GPATCH2L: variants seen among roughly 807,000 people sequenced by gnomAD.
GPATCH2L encodes G patch domain-containing protein 2-like.
Under a neutral mutation model 57.4 loss-of-function variants are expected in GPATCH2L, and 31 were observed. The ratio of observed to expected loss-of-function variants is 0.54; its 90% CI spans 0.41 to 0.73. The LOEUF is 0.73. Among genes scored for constraint, GPATCH2L ranks in the 30% least tolerant of loss-of-function variants. The pLI is 0.00. For missense variants in GPATCH2L, 481 were observed against 599.9 expected, an observed-to-expected ratio of 0.80 and a Z score of 2.07; for synonymous variants, 199 against 210.7, an observed-to-expected ratio of 0.94 and a Z score of 0.48.
chr14:76,160,075 A>G (rs1465289642), intron 2 of GPATCH2L, among the ~76,000 whole-genome samples: 1 of 151,762 alleles, frequency 6.6e-6, no homozygotes, highest in African/African-American at 2.4e-5. Flanking sequence ...CGGAGCTTGC[A>G]GTGAGCCGAG....
intron 1 of GPATCH2L, among the ~76,000 whole-genome samples, chr14:76,222,590 G>A (rs1030533909): frequency 7.9e-5 from 12 of 152,088 alleles, no homozygotes; most frequent in East Asian, 5.8e-4. Context: ...CTGGACAACC[G>A]GAGTGAGACC....
chr14:76,217,652 C>T (rs1225632146), downstream of GPATCH2L, among the ~76,000 whole-genome samples: 1 of 151,586 alleles, frequency 6.6e-6, no homozygotes, highest in African/African-American at 2.4e-5. Context: ...CAAGTGATAA[C>T]CCAGAAACAT....
chr14:76,223,835 C>A (rs557306511), intron 1 of GPATCH2L, among the ~76,000 whole-genome samples: 1 of 152,280 alleles, frequency 6.6e-6, no homozygotes, highest in South Asian at 2.1e-4. Flanking sequence ...CGAAAAGATG[C>A]TCAACATCAT....
intron 8 of GPATCH2L, among the ~76,000 whole-genome samples, chr14:76,187,626 G>A (rs189217486): frequency 6.1e-4 from 92 of 151,944 alleles, no homozygotes; most frequent in African/African-American, 2.2e-3. Flanking sequence ...TACTTATGGG[G>A]TACATGAGAT....
At chr14:76,216,654 A>C (rs1360658559), downstream of GPATCH2L, among the ~76,000 whole-genome samples, 1 of 152,172 alleles carries the variant, frequency 6.6e-6, no homozygotes, top group Non-Finnish European at 1.5e-5. Context: ...CCACAATGCC[A>C]TCAGTTTTTT....
intron 6 of GPATCH2L, 36 bp downstream of exon 6, chr14:76,176,726 G>C: frequency 7.3e-7 from 1 of 1,376,918 alleles, no homozygotes; most frequent in Non-Finnish European, 1.0e-6. Flanking sequence ...GTGCTAGTCT[G>C]CTCCTTGGAG....
In GPATCH2L at chr14:76,212,963, A is replaced by G. The variant is rs546067679; in HGVS notation, c.*11112A>G. On this transcript the variant is annotated 3_prime_UTR_variant, in exon 10 of 10. Transcript: ENST00000261530. ...TAAAAAAACATTTCATATCTAAAATATAAACTTGTTCCTCTGAGATACAAA... is the reference window on the plus strand; with the variant it reads ...TAAAAAAACATTTCATATCTAAAATGTAAACTTGTTCCTCTGAGATACAAA... The G allele has an allele frequency of 7.9e-5, 12 of 152,296 alleles. No homozygotes were observed. Among genetic ancestry groups the G allele is most frequent in the Non-Finnish European group, 1.2e-4 (8 of 68,008 alleles). The allele number at this position is 152,296 out of a possible 1,614,324, so 9.4% of individuals were successfully genotyped here.
rs765413540 is a variant in GPATCH2L at position 76,173,557 on chromosome 14, C to T, written c.916C>T (p.Arg306Cys). ...CCTTCTTTTTTTAGGGTACCATACT[C>T]GCTTGAATCGTCTACCTGGAGCTGC... ...SRPAQRGYHTRLNRLPGAAAR... is the reference protein window; with the variant it reads ...SRPAQRGYHTCLNRLPGAAAR... Residue 306 changes from arginine to cysteine, a missense_variant, in exon 5 of 10, where the codon CGC becomes TGC. Arg to Cys is a radical substitution (Grantham distance 180). This residue lies in a region of GPATCH2L where 248 missense variants were observed against 270.5 expected (regional missense o/e 0.92). Coordinates refer to ENST00000261530, the MANE Select transcript of GPATCH2L (RefSeq NM_017926.4). 2.5e-6 allele frequency: 4 copies of T among 1,611,306 alleles called. No homozygotes were observed. The highest frequency in any genetic ancestry group is 2.2e-5 in the East Asian group (1 of 44,866).
intron 1 of GPATCH2L, among the ~76,000 whole-genome samples, chr14:76,223,476 C>T (rs908146858): frequency 1.3e-5 from 2 of 152,028 alleles, no homozygotes; most frequent in East Asian, 1.9e-4. Context: ...AACTAGAAAA[C>T]ATTTAGAAGA....
chr14:76,162,454 G>A (rs149736667), intron 2 of GPATCH2L, among the ~76,000 whole-genome samples: 81 of 152,310 alleles, frequency 5.3e-4, no homozygotes, highest in African/African-American at 1.7e-3. Flanking sequence ...TGCTTCTGCC[G>A]TGTGCGATCA....
downstream of GPATCH2L, among the ~76,000 whole-genome samples, chr14:76,219,329 A>G (rs972791235): frequency 2.6e-5 from 4 of 152,188 alleles, no homozygotes; most frequent in African/African-American, 9.7e-5. Context: ...AGAAAATACA[A>G]ATGACTTTGA....
At chr14:76,232,021 C>CACTGCAGGCTCACAGCAGCCTCA (rs1555385029) in intron 2 of GPATCH2L, among the ~76,000 whole-genome samples, 1 of 151,222 alleles carries the variant, frequency 6.6e-6, no homozygotes, top group African/African-American at 2.4e-5. Flanking sequence ...AAGCAATCTT[C>CACTGCAGGCTCACAGCAGCCTCA]CTGCTTCAGC....
intron 9 of GPATCH2L, among the ~76,000 whole-genome samples, chr14:76,201,062 C>T (rs1231200276): frequency 6.6e-6 from 1 of 152,164 alleles, no homozygotes. Flanking sequence ...AGCCATGTCT[C>T]CTGTCCAGAA....
At chr14:76,152,791 T>A (rs1340339918) in intron 1 of GPATCH2L, 1 of 454,396 alleles carries the variant, frequency 2.2e-6, no homozygotes, top group South Asian at 1.6e-5. Flanking sequence ...TTCTTTTGTT[T>A]TTGTTTTTTG....
At chr14:76,217,525 A>G (rs2040495150), downstream of GPATCH2L, among the ~76,000 whole-genome samples, 1 of 152,126 alleles carries the variant, frequency 6.6e-6, no homozygotes, top group Non-Finnish European at 1.5e-5. Flanking sequence ...TTTTGGGACC[A>G]ATAATGTACT....
chr14:76,184,392 T>C lies in GPATCH2L; in HGVS notation c.1193+3543T>C, dbSNP rs560752878. 7.7e-4 allele frequency among the ~76,000 whole-genome samples: 117 copies of C among 152,142 alleles called. 1 individual carries two copies. Among genetic ancestry groups the C allele is most frequent in the South Asian group, 2.3e-3 (11 of 4,814 alleles). ...CAGGTTACTGAGCTGAGGCTGCTTCTTGCCTGGACACTGCCAATTCCATTC... is the reference window on the plus strand; with the variant it reads ...CAGGTTACTGAGCTGAGGCTGCTTCCTGCCTGGACACTGCCAATTCCATTC... On this transcript the variant is annotated intron_variant, in intron 8 of 9. Transcript: ENST00000261530.
At chr14:76,183,199 C>CAGTGAAGAA (rs2039640553) in intron 8 of GPATCH2L, among the ~76,000 whole-genome samples, 3 of 152,220 alleles carry the variant, frequency 2.0e-5, no homozygotes, top group African/African-American at 7.2e-5. Flanking sequence ...CCACTGTCTT[C>CAGTGAAGAA]ACTCTTTTGC....
chr14:76,230,586 A>G (rs1299471703), intron 2 of GPATCH2L, among the ~76,000 whole-genome samples: 2 of 152,192 alleles, frequency 1.3e-5, no homozygotes, highest in Non-Finnish European at 2.9e-5. Context: ...ACAAACAAGA[A>G]TTTGTGTAAA....
At chr14:76,175,752 G>A (rs943980451) in intron 5 of GPATCH2L, 1 of 152,158 alleles carries the variant, frequency 6.6e-6, no homozygotes, top group Non-Finnish European at 1.5e-5. Flanking sequence ...GTAGCCTGAT[G>A]TTTAGCACGG....
Sources: allele counts gnomAD v4.1 joint callset (sites outside exome capture counted in the v4.1 genomes callset), GRCh38; gene constraint gnomAD v4.1.1; regional missense constraint gnomAD v4.1.1; transcripts MANE v1.5; gene names NCBI Gene and HGNC (gene_info 2026-07-23, HGNC 2026-07-21).